The following PCDHA10 variants were observed in gnomAD, a reference collection of about 807,000 sequenced individuals.
The protein encoded by PCDHA10 is protocadherin alpha-10.
Under a neutral mutation model 61.2 loss-of-function variants are expected in PCDHA10, and 45 were observed. The observed-to-expected ratio is 0.74, with a 90% CI of 0.58 to 0.94. The LOEUF (loss-of-function observed/expected upper bound fraction) is 0.94. Ranked by LOEUF, PCDHA10 falls within the 40% of genes least tolerant of loss-of-function variation. The probability of loss-of-function intolerance (pLI) is 0.00; values close to 1 mark genes in which losing one functional copy is unlikely to be tolerated. For missense variants in PCDHA10, 1,278 were observed against 1,236.2 expected (o/e 1.03, Z -0.51); for synonymous variants, 602 against 548.8 (o/e 1.10, Z -1.35).
chr5:140,877,032 G>A (rs2056800154), intron 1 of PCDHA10: 1 of 1,612,266 alleles, frequency 6.2e-7, no homozygotes, highest in African/African-American at 1.3e-5. Flanking sequence ...TGTACGCGCT[G>A]CAGCCGCTAG....
rs2098421681 is a variant in PCDHA10, at chr5:141,011,735, A to C, written c.*1798A>C. 1 of 153,882 alleles carries C rather than the reference A, an allele frequency of 6.5e-6. No individual in the cohort carries two copies. Among genetic ancestry groups the C allele is most frequent in the South Asian group, 2.1e-4 (1 of 4,828 alleles). 9.5% of individuals were successfully genotyped at this position (153,882 alleles called of 1,614,324 possible). A position where few individuals can be genotyped will look rare whatever the true frequency, so the allele number is the denominator to read the frequency against. ...TATTCCATGAGGGTGTGCAAGCACA[A>C]ATTTTACCAATCTGACCTCTTTGAA... On this transcript the variant is annotated 3_prime_UTR_variant, in exon 4 of 4. Transcript: ENST00000307360.
chr5:140,927,366 A>G (rs782348018), intron 1 of PCDHA10: 29 of 1,614,088 alleles, frequency 1.8e-5, no homozygotes, highest in Admixed American at 1.7e-4. Context: ...GCAATGGGAT[A>G]CTAAGCTACA....
intron 1 of PCDHA10, among the ~76,000 whole-genome samples, chr5:140,898,111 T>C (rs1319791706): frequency 6.6e-6 from 1 of 152,184 alleles, no homozygotes; most frequent in Non-Finnish European, 1.5e-5. Context: ...ATGAGTAGGT[T>C]GCGAAAATTT....
At chr5:140,876,906 G>T (rs782762108) in intron 1 of PCDHA10, 13 of 1,613,908 alleles carry the variant, frequency 8.1e-6, no homozygotes, top group South Asian at 2.2e-5. Flanking sequence ...TCACGGTGTC[G>T]GCATGGGACG....
intron 1 of PCDHA10, among the ~76,000 whole-genome samples, chr5:140,977,970 A>G (rs531494024): frequency 2.0e-5 from 3 of 152,332 alleles, no homozygotes; most frequent in South Asian, 4.1e-4. Context: ...ATCTCCGCCC[A>G]TGAAAACGCA....
At chr5:140,948,489 T>C (rs547481990) in intron 1 of PCDHA10, among the ~76,000 whole-genome samples, 6 of 151,790 alleles carry the variant, frequency 4.0e-5, no homozygotes, top group Admixed American at 3.3e-4. Context: ...TTCAATTTCT[T>C]TCATAGACTT....
In PCDHA10 at chr5:140,968,269, T is replaced by C. The variant is rs558051125; in HGVS notation, c.2389-10680T>C. On this transcript the variant is annotated intron_variant, in intron 1 of 3. Coordinates refer to ENST00000307360, the MANE Select transcript of PCDHA10 (RefSeq NM_018901.4). ...CCACAGACCCAGATGAAAAGGAGAATGCAGAGGTGACCTACTCCCTTCTGG... is the reference window on the plus strand; with the variant it reads ...CCACAGACCCAGATGAAAAGGAGAACGCAGAGGTGACCTACTCCCTTCTGG... 6.9e-5 allele frequency: 112 copies of C among 1,614,074 alleles called. 2 individuals carry two copies. In the South Asian group the frequency reaches 1.1e-3, roughly 16 times the overall value.
At chr5:140,992,153 T>C (rs191199905) in intron 3 of PCDHA10, among the ~76,000 whole-genome samples, 76 of 152,066 alleles carry the variant, frequency 5.0e-4, no homozygotes, top group African/African-American at 1.8e-3. Flanking sequence ...CTTTGCTCAA[T>C]CAAGAAGTGT....
At chr5:140,999,173 T>G (rs892201477) in intron 3 of PCDHA10, among the ~76,000 whole-genome samples, 20 of 152,158 alleles carry the variant, frequency 1.3e-4, no homozygotes, top group African/African-American at 4.3e-4. Context: ...GAAAAGAGCC[T>G]GATGGGGAGA....
intron 1 of PCDHA10, among the ~76,000 whole-genome samples, chr5:140,941,191 T>TTTCTTTCTTCCTTTCTTCC (rs1487503403): frequency 1.1e-5 from 1 of 93,258 alleles, no homozygotes; most frequent in African/African-American, 3.9e-5. Flanking sequence ...GCTTCTTTTT[T>TTTCTTTCTTCCTTTCTTCC]TTTCTTTCTT....
intron 1 of PCDHA10, among the ~76,000 whole-genome samples, chr5:140,873,433 C>A (rs1404157271): frequency 2.0e-5 from 3 of 152,116 alleles, no homozygotes; most frequent in African/African-American, 7.2e-5. Context: ...TATTTTATAT[C>A]ACATAAATAA....
Position 140,928,606 on chromosome 5 carries a change from C to T in PCDHA10, c.2389-50343C>T, listed in dbSNP as rs782809256. ...TTCTGTCCCAGTGGAAATTGTGCCC[C>T]GCTCTGCCAGGACTGGACACTTGGT... On this transcript the variant is annotated intron_variant, in intron 1 of 3. Coordinates refer to ENST00000307360, the MANE Select transcript of PCDHA10 (RefSeq NM_018901.4). 7.4e-6 allele frequency: 12 copies of T among 1,614,204 alleles called. No homozygotes were observed. In the South Asian group the frequency reaches 1.2e-4, roughly 16 times the overall value.
At chr5:140,890,854 T>C (rs1320462436) in intron 1 of PCDHA10, among the ~76,000 whole-genome samples, 1 of 152,232 alleles carries the variant, frequency 6.6e-6, no homozygotes, top group African/African-American at 2.4e-5. Context: ...TTTCTCTTCC[T>C]TACTTCTTGC....
At chr5:141,002,468 C>G (rs369108082) in intron 3 of PCDHA10, among the ~76,000 whole-genome samples, 2 of 152,334 alleles carry the variant, frequency 1.3e-5, no homozygotes, top group Middle Eastern at 3.4e-3. Flanking sequence ...AACGCTTTAG[C>G]ATTTTCAAAG....
At chr5:140,968,463 A>G (rs1012242019) in intron 1 of PCDHA10, 6 of 1,613,994 alleles carry the variant, frequency 3.7e-6, no homozygotes, top group Middle Eastern at 1.6e-4. Context: ...GTGACTGCCA[A>G]CGTATATGTG....
chr5:140,934,925 A>G (rs2090105619), intron 1 of PCDHA10, among the ~76,000 whole-genome samples: 1 of 152,196 alleles, frequency 6.6e-6, no homozygotes, highest in African/African-American at 2.4e-5. Context: ...ATTCACATAA[A>G]GTTACAAAAC....
chr5:140,950,100 A>G (rs964595718), intron 1 of PCDHA10, among the ~76,000 whole-genome samples: 1 of 151,910 alleles, frequency 6.6e-6, no homozygotes, highest in Non-Finnish European at 1.5e-5. Flanking sequence ...CATTTGTATT[A>G]AATCTCATAC....
chr5:140,877,572 C>T (rs2057210526), intron 1 of PCDHA10: 6 of 1,613,784 alleles, frequency 3.7e-6, no homozygotes, highest in Non-Finnish European at 4.2e-6. Flanking sequence ...ACGTGTACCT[C>T]ATCATCGCCA....
intron 3 of PCDHA10, among the ~76,000 whole-genome samples, chr5:140,985,103 A>G (rs1342526252): frequency 6.6e-6 from 1 of 151,694 alleles, no homozygotes; most frequent in African/African-American, 2.4e-5. Context: ...AAGCCTGGCT[A>G]ATTTTTTGTG....
Sources: gnomAD v4.1 joint callset for allele counts (sites outside exome capture counted in the v4.1 genomes callset) on GRCh38, gnomAD v4.1.1 for gene constraint, MANE v1.5 for transcripts, NCBI Gene and HGNC (gene_info 2026-07-23, HGNC 2026-07-21) for gene names.